KCND3: variants seen among roughly 807,000 people sequenced by gnomAD.
The protein encoded by KCND3 is potassium voltage-gated channel subfamily D member 3.
In KCND3, 9 loss-of-function variants were observed where a neutral mutation model predicts 51.1. The ratio of observed to expected loss-of-function variants is 0.18; its 90% CI spans 0.11 to 0.31. The LOEUF (loss-of-function observed/expected upper bound fraction) is 0.31, where lower values mean the gene tolerates loss of function less well. KCND3 is among the 10% of genes least tolerant of loss of function. The probability of loss-of-function intolerance (pLI) is 1.00; values close to 1 mark genes in which losing one functional copy is unlikely to be tolerated. For synonymous variants in KCND3, 349 were observed against 368.0 expected, an observed-to-expected ratio of 0.95 and a Z score of 0.59; for missense variants, 526 against 903.8, an observed-to-expected ratio of 0.58 and a Z score of 5.36.
chr1:111,984,522 C>G (rs1675156119), intron 1 of KCND3, among the ~76,000 whole-genome samples: 1 of 152,216 alleles, frequency 6.6e-6, no homozygotes, highest in Non-Finnish European at 1.5e-5. Flanking sequence ...CTTCTTGTCT[C>G]TCACTCTCAC....
At chr1:111,778,140 GCA>G (rs1237655050) in intron 6 of KCND3, among the ~76,000 whole-genome samples, 1 of 152,196 alleles carries the variant, frequency 6.6e-6, no homozygotes, top group African/African-American at 2.4e-5. Flanking sequence ...CTGGGATGTG[GCA>G]CAGACAGATG....
chr1:111,771,104 A>C lies in KCND3; in HGVS notation c.*4973T>G, dbSNP rs1490976698. On this transcript the variant is annotated 3_prime_UTR_variant, in exon 8 of 8. Coordinates refer to ENST00000302127, the MANE Select transcript of KCND3 (RefSeq NM_001378969.1). ...CCCAGGACTTGGGTCAGTGCCGTAC[A>C]CTGGTTAGAGTGACATCATCCAGTG... 1 of 152,222 alleles carries C rather than the reference A, an allele frequency of 6.6e-6. No homozygotes were observed. The highest frequency in any genetic ancestry group is 2.4e-5 in the African/African-American group (1 of 41,460). 9.4% of individuals were successfully genotyped at this position (152,222 alleles called of 1,614,324 possible). A position where few individuals can be genotyped will look rare whatever the true frequency, so the allele number is the denominator to read the frequency against.
intron 3 of KCND3, among the ~76,000 whole-genome samples, chr1:111,783,696 T>A (rs767702201): frequency 5.9e-5 from 9 of 152,184 alleles, no homozygotes; most frequent in Non-Finnish European, 1.2e-4. Context: ...AAACTTATGC[T>A]CACATAAAAA....
At chr1:111,794,002 C>T (rs1161480823) in intron 2 of KCND3, among the ~76,000 whole-genome samples, 2 of 152,112 alleles carry the variant, frequency 1.3e-5, no homozygotes, top group African/African-American at 4.8e-5. Flanking sequence ...CTGTGGTGCC[C>T]AGCCCAGAGT....
chr1:111,971,404 G>A (rs1674322467), intron 2 of KCND3, among the ~76,000 whole-genome samples: 1 of 151,966 alleles, frequency 6.6e-6, no homozygotes. Flanking sequence ...GTATAAAAGG[G>A]AATTTCCACA....
At chr1:111,824,115 A>G (rs1666470293) in intron 2 of KCND3, among the ~76,000 whole-genome samples, 1 of 110,316 alleles carries the variant, frequency 9.1e-6, no homozygotes, top group African/African-American at 2.7e-5. Flanking sequence ...GCCTTCTCCA[A>G]CTCCAAAAAA....
chr1:111,932,148 C>T (rs948800399), intron 2 of KCND3, among the ~76,000 whole-genome samples: 2 of 152,226 alleles, frequency 1.3e-5, no homozygotes, highest in Non-Finnish European at 2.9e-5. Context: ...CTTGTGATTA[C>T]ACTGGGCCCA....
chr1:111,952,004 A>G lies in KCND3; in HGVS notation c.1106+29617T>C, dbSNP rs901475272. Among the ~76,000 whole-genome samples, 6 of 152,220 alleles carry G rather than the reference A, an allele frequency of 3.9e-5. No individual in the cohort carries two copies. In the South Asian group the frequency reaches 6.2e-4, roughly 16 times the overall value. On this transcript the variant is annotated intron_variant, in intron 2 of 7. Transcript: ENST00000302127. ...AGCATGAAAGCCAGGAGGCATAAAC[A>G]TCCCCACTGAAGTCATTGATAAAAT...
At chr1:111,849,126 G>A (rs566739666) in intron 2 of KCND3, among the ~76,000 whole-genome samples, 116 of 152,310 alleles carry the variant, frequency 7.6e-4, no homozygotes, top group African/African-American at 2.6e-3. Context: ...CCAGGTGCAG[G>A]TGGCCCTCAG....
chr1:111,937,864 G>A (rs559553796), intron 2 of KCND3, among the ~76,000 whole-genome samples: 119 of 152,196 alleles, frequency 7.8e-4, no homozygotes, highest in African/African-American at 2.6e-3. Flanking sequence ...AGGCATAATC[G>A]CCCTGCTCCT....
intron 2 of KCND3, among the ~76,000 whole-genome samples, chr1:111,977,064 C>A (rs901602840): frequency 1.3e-5 from 2 of 152,190 alleles, no homozygotes; most frequent in African/African-American, 4.8e-5. Flanking sequence ...GCTTTGAGGT[C>A]GTTTGTTCCC....
intron 2 of KCND3, among the ~76,000 whole-genome samples, chr1:111,827,002 T>C (rs1666607950): frequency 6.6e-6 from 1 of 152,188 alleles, no homozygotes; most frequent in Non-Finnish European, 1.5e-5. Context: ...TAATCCCAAA[T>C]CCAATACTCC....
At chr1:111,938,660 G>T (rs1464487021) in intron 2 of KCND3, among the ~76,000 whole-genome samples, 1 of 152,156 alleles carries the variant, frequency 6.6e-6, no homozygotes, top group African/African-American at 2.4e-5. Context: ...TGAGGAAGAG[G>T]GTCCAGGGAG....
At chr1:111,952,669 C>T (rs1295563540) in intron 2 of KCND3, among the ~76,000 whole-genome samples, 1 of 152,196 alleles carries the variant, frequency 6.6e-6, no homozygotes, top group Non-Finnish European at 1.5e-5. Flanking sequence ...CTCACTCCTT[C>T]CCAGAGGGAG....
intron 2 of KCND3, among the ~76,000 whole-genome samples, chr1:111,920,630 GCA>G (rs1671433617): frequency 6.6e-6 from 1 of 152,196 alleles, no homozygotes; most frequent in Non-Finnish European, 1.5e-5. Flanking sequence ...CAGGGCTGGT[GCA>G]CTCTGCTGGG....
At chr1:111,912,346 G>A (rs1421853289) in intron 2 of KCND3, among the ~76,000 whole-genome samples, 1 of 152,252 alleles carries the variant, frequency 6.6e-6, no homozygotes, top group Non-Finnish European at 1.5e-5. Flanking sequence ...TTACTCACAT[G>A]TTTGTGGTGA....
chr1:111,921,169 T>C, intron 2 of KCND3, among the ~76,000 whole-genome samples: 1 of 152,214 alleles, frequency 6.6e-6, no homozygotes, highest in Admixed American at 6.5e-5. Flanking sequence ...CCCTATGATG[T>C]AGAGATTCTT....
intron 2 of KCND3, among the ~76,000 whole-genome samples, chr1:111,805,911 G>A (rs1479970774): frequency 2.0e-5 from 3 of 152,232 alleles, no homozygotes; most frequent in African/African-American, 7.2e-5. Flanking sequence ...TTACTTTCTG[G>A]TGGCAGGACG....
At chr1:111,777,385 C>G (rs1306873699) in intron 6 of KCND3, 112 bp from the exon 7 acceptor site, 1 of 1,138,228 alleles carries the variant, frequency 8.8e-7, no homozygotes, top group Non-Finnish European at 1.3e-6. Flanking sequence ...AGGAAGGGCT[C>G]CCAGCTGCCC....
Sources: allele counts gnomAD v4.1 joint callset (sites outside exome capture counted in the v4.1 genomes callset), GRCh38; gene constraint gnomAD v4.1.1; transcripts MANE v1.5; gene names NCBI Gene and HGNC (gene_info 2026-07-23, HGNC 2026-07-21).